TRHDE: variants seen among roughly 807,000 people sequenced by gnomAD.
TRHDE encodes the protein thyrotropin releasing hormone degrading enzyme.
Under a neutral mutation model 125.7 loss-of-function variants are expected in TRHDE, and 72 were observed. The observed-to-expected ratio is 0.57, with a 90% CI of 0.47 to 0.70. TRHDE has a LOEUF of 0.70. Among genes scored for constraint, TRHDE ranks in the 30% least tolerant of loss-of-function variants. The pLI is 0.00. For synonymous variants in TRHDE, 509 were observed against 509.1 expected, an observed-to-expected ratio of 1.00 and a Z score of 0.00; for missense variants, 1,110 against 1,327.1, an observed-to-expected ratio of 0.84 and a Z score of 2.54.
intron 3 of TRHDE, among the ~76,000 whole-genome samples, chr12:72,426,918 A>G (rs757033349): frequency 1.3e-5 from 2 of 151,998 alleles, no homozygotes. Context: ...AAGAAAATTC[A>G]TCTTCATCTT....
intron 6 of TRHDE, among the ~76,000 whole-genome samples, chr12:72,505,190 G>A (rs1048657109): frequency 2.6e-5 from 4 of 151,984 alleles, no homozygotes; most frequent in Non-Finnish European, 4.4e-5. Context: ...ATTATTAAAA[G>A]AATAAAAAAC....
intron 2 of TRHDE, among the ~76,000 whole-genome samples, chr12:72,359,456 A>G (rs1396497033): frequency 6.6e-6 from 1 of 151,718 alleles, no homozygotes; most frequent in Admixed American, 6.6e-5. Flanking sequence ...ATTAATTGAG[A>G]AAGTTGACTT....
At chr12:72,595,392 G>A (rs986966215) in intron 12 of TRHDE, among the ~76,000 whole-genome samples, 7 of 152,022 alleles carry the variant, frequency 4.6e-5, no homozygotes, top group African/African-American at 1.7e-4. Flanking sequence ...TTAGGGGAAT[G>A]ATTGTAAATA....
chr12:72,270,354 TGCATG>T (rs1879168065), upstream of TRHDE, among the ~76,000 whole-genome samples: 1 of 152,204 alleles, frequency 6.6e-6, no homozygotes, highest in South Asian at 2.1e-4. Context: ...ACATTTAGAA[TGCATG>T]GCATTGAGCA....
At chr12:72,507,253 A>G (rs1290274957) in intron 6 of TRHDE, among the ~76,000 whole-genome samples, 1 of 152,220 alleles carries the variant, frequency 6.6e-6, no homozygotes, top group Non-Finnish European at 1.5e-5. Flanking sequence ...GCATTGCTGT[A>G]AAGATACCTG....
chr12:72,480,073 T>C (rs569640772), intron 5 of TRHDE, among the ~76,000 whole-genome samples: 2,109 of 150,850 alleles, frequency 0.014, 10 homozygotes, highest in African/African-American at 0.05. Flanking sequence ...TGTTGGACAT[T>C]TGGGTTGGTT....
chr12:72,389,398 A>C (rs919626608), intron 3 of TRHDE, among the ~76,000 whole-genome samples: 1 of 152,200 alleles, frequency 6.6e-6, no homozygotes, highest in Non-Finnish European at 1.5e-5. Context: ...TGGCCATTGA[A>C]AGATTTGCTC....
chr12:72,270,157 TA>T (rs1879163926), upstream of TRHDE, among the ~76,000 whole-genome samples: 1 of 152,136 alleles, frequency 6.6e-6, no homozygotes, highest in Admixed American at 6.5e-5. Flanking sequence ...CCTCAACTCT[TA>T]AAATGCATAC....
At position 72,499,704 on chromosome 12, in the gene TRHDE, A is replaced by G. The variant is rs923534160; in HGVS notation, c.1722+69A>G. 7 of 1,547,568 alleles carry G rather than the reference A, an allele frequency of 4.5e-6. No homozygotes were observed. The African/African-American group carries it at 6.9e-5, about 15-fold the overall frequency. On this transcript the variant is annotated intron_variant, in intron 6 of 18. Coordinates refer to ENST00000261180, the MANE Select transcript of TRHDE (RefSeq NM_013381.3). ...AGATAGCTAAACTAATTCATGTTAG[A>G]TGTATGTATTTTTCTTTTTTTCCGG...
chr12:72,552,969 G>C (rs1869746798), intron 7 of TRHDE, among the ~76,000 whole-genome samples: 1 of 152,090 alleles, frequency 6.6e-6, no homozygotes, highest in Non-Finnish European at 1.5e-5. Flanking sequence ...GTCTTTAATA[G>C]GAGACTTATC....
At chr12:72,645,373 T>C (rs1399347641) in intron 15 of TRHDE, among the ~76,000 whole-genome samples, 4 of 152,174 alleles carry the variant, frequency 2.6e-5, no homozygotes, top group Admixed American at 1.3e-4. Flanking sequence ...CTCGTGAAGA[T>C]GGATTGATCA....
At chr12:72,154,145 A>G (rs1051320251) in intron 2 of TRHDE, among the ~76,000 whole-genome samples, 3 of 149,550 alleles carry the variant, frequency 2.0e-5, no homozygotes, top group Non-Finnish European at 4.4e-5. Context: ...CTTTACCATT[A>G]TGTAATGGCC....
intron 2 of TRHDE, among the ~76,000 whole-genome samples, chr12:72,133,032 G>A (rs1056438632): frequency 1.3e-5 from 2 of 152,192 alleles, no homozygotes; most frequent in East Asian, 1.9e-4. Flanking sequence ...GGGAAGTGGT[G>A]TAAGATGAGT....
At chr12:72,142,180 C>G (rs901327002) in intron 2 of TRHDE, among the ~76,000 whole-genome samples, 1 of 152,044 alleles carries the variant, frequency 6.6e-6, no homozygotes, top group Non-Finnish European at 1.5e-5. Context: ...ATGTGGGAAG[C>G]CTACCATAAA....
intron 7 of TRHDE, among the ~76,000 whole-genome samples, chr12:72,546,006 C>T (rs1408007560): frequency 2.0e-5 from 3 of 151,558 alleles, no homozygotes; most frequent in Non-Finnish European, 4.4e-5. Context: ...TGATGAGTGA[C>T]GTTACAGGGA....
intron 2 of TRHDE, among the ~76,000 whole-genome samples, chr12:72,345,846 G>A (rs11179164): frequency 0.12 from 18,801 of 151,968 alleles, 1,737 homozygotes; most frequent in East Asian, 0.46. Context: ...AGAAAAGGAC[G>A]GTTCTGGAGC....
chr12:72,464,285 T>C (rs936896376), intron 3 of TRHDE, among the ~76,000 whole-genome samples: 2 of 152,220 alleles, frequency 1.3e-5, no homozygotes, highest in Non-Finnish European at 2.9e-5. Context: ...TTTATGCTGC[T>C]ATAACCAAAT....
intron 16 of TRHDE, 111 bp from the exon 17 acceptor site, chr12:72,652,905 C>T (rs1226953086): frequency 2.5e-6 from 2 of 787,118 alleles, no homozygotes; most frequent in East Asian, 2.9e-5. Flanking sequence ...AAAGATTGCA[C>T]TAGACTATTC....
Position 72,161,015 on chromosome 12 carries a change from T to C in TRHDE, n.279+55263T>C, listed in dbSNP as rs559329131. 2.0e-5 allele frequency among the ~76,000 whole-genome samples: 3 copies of C among 152,336 alleles called. No homozygotes were observed. The East Asian group carries it at 5.8e-4, about 29-fold the overall frequency. On this transcript the variant is annotated intron_variant and non_coding_transcript_variant, in intron 2 of 4. Transcript: ENST00000548156. ...TGTTTTAGTAAATACAAAATTATTT[T>C]TGGTTCCTCTCACCTCTATCTCCTT...
Sources: gnomAD v4.1 joint callset for allele counts (sites outside exome capture counted in the v4.1 genomes callset) on GRCh38, gnomAD v4.1.1 for gene constraint, MANE v1.5 for transcripts, NCBI Gene and HGNC (gene_info 2026-07-23, HGNC 2026-07-21) for gene names.